The following GOLGA6L7 variants were observed in gnomAD, a reference collection of about 807,000 sequenced individuals.
GOLGA6L7 encodes the protein golgin A6 family like 7.
A neutral mutation model predicts 68.9 loss-of-function variants in GOLGA6L7; 29 were observed. That is an observed-to-expected ratio of 0.42 (90% CI 0.31 to 0.57). The LOEUF is 0.57. Among genes scored for constraint, GOLGA6L7 ranks in the 20% least tolerant of loss-of-function variants. The pLI, the probability that GOLGA6L7 is intolerant of heterozygous loss-of-function variation, is 0.13. For missense variants in GOLGA6L7, 396 were observed against 588.4 expected (o/e 0.67, Z 3.38); for synonymous variants, 133 against 197.4 (o/e 0.67, Z 2.73).
chr15:28,845,377 A>G (rs1244916991), intron 6 of GOLGA6L7, 152 bp downstream of exon 6: 3 of 695,276 alleles, frequency 4.3e-6, no homozygotes. Context: ...CTCAGCCCCA[A>G]CCTGCCTCTA....
At position 28,843,285 on chromosome 15, in the gene GOLGA6L7, C is replaced by CTCCCGCAGCTCCTTCTCCTGG; in HGVS notation, c.798_818dup (p.Asp266_Arg272dup). On this transcript the variant is annotated inframe_insertion, in exon 9 of 9. Coordinates refer to ENST00000567390, the MANE Select transcript of GOLGA6L7 (RefSeq NM_001365371.2). The stretch of plus-strand genomic sequence containing the variant: ...CCTGCTCCTGCATCTGCTGCTCCTG[C>CTCCCGCAGCTCCTTCTCCTGG]TCCCGCAGCTCCTTCTCCTGGTCCC... The CTCCCGCAGCTCCTTCTCCTGG allele has an allele frequency of 1.6e-6, 2 of 1,254,392 alleles. No homozygotes were observed. Among genetic ancestry groups the CTCCCGCAGCTCCTTCTCCTGG allele is most frequent in the South Asian group, 3.0e-5 (1 of 33,780 alleles). 77.7% of individuals were successfully genotyped at this position (1,254,392 alleles called of 1,614,324 possible).
intron 8 of GOLGA6L7, 21 bp downstream of exon 8, chr15:28,843,713 C>G (rs1208334477): frequency 1.5e-6 from 1 of 647,286 alleles, no homozygotes; most frequent in Admixed American, 2.4e-5. Context: ...CTCCCACACC[C>G]CCGGGGCTGC....
intron 2 of GOLGA6L7, among the ~76,000 whole-genome samples, chr15:28,846,502 G>A (rs1161339811): frequency 9.9e-5 from 15 of 152,266 alleles, no homozygotes; most frequent in East Asian, 9.7e-4. Flanking sequence ...TAAACCTTCC[G>A]ACATAAGAGT....
At chr15:28,848,307 C>T (rs1050715505) in intron 1 of GOLGA6L7, among the ~76,000 whole-genome samples, 192 bp downstream of exon 1, 13 of 151,710 alleles carry the variant, frequency 8.6e-5, no homozygotes, top group South Asian at 6.3e-4. Context: ...CTGGGGTGAC[C>T]GGTGAGGGCA....
At chr15:28,846,928 T>TTG in intron 2 of GOLGA6L7, 136 bp downstream of exon 2, 1 of 507,658 alleles carries the variant, frequency 2.0e-6, no homozygotes, top group African/African-American at 3.0e-5. Context: ...TCCCTCGCAG[T>TTG]TGGAGAGAGA....
chr15:28,845,028 C>T (rs1353619877), intron 6 of GOLGA6L7: 20 of 260,114 alleles, frequency 7.7e-5, no homozygotes, highest in Non-Finnish European at 7.5e-6. Context: ...TCAGAAGGTA[C>T]AGAAGGGAAA....
rs548915432 is a variant in GOLGA6L7 at position 28,847,047 on chromosome 15, G to C, written c.180+17C>G. The C allele has an allele frequency of 3.1e-3, 3,141 of 1,018,904 alleles. 45 individuals carry two copies. The highest frequency in any genetic ancestry group is 7.1e-3 in the Admixed American group (402 of 56,462). The allele number at this position is 1,018,904 out of a possible 1,614,324, so 63.1% of individuals were successfully genotyped here. On this transcript the variant is annotated intron_variant, in intron 2 of 8. Coordinates refer to ENST00000567390, the MANE Select transcript of GOLGA6L7 (RefSeq NM_001365371.2). ...TTGTGCCCCTTGTCCTCAGGAGACC[G>C]GCCAGCCAAGACTCACATCCTCAGG...
rs1272641213 is a variant in GOLGA6L7, at chr15:28,843,797, C to G, written c.600G>C (p.Glu200Asp). Residue 200 changes from glutamate (E) to aspartate (D), a missense_variant, in exon 8 of 9, where the codon GAG (glutamate) becomes GAC (aspartate). Glu to Asp is a conservative substitution (Grantham distance 45). Coordinates refer to ENST00000567390, the MANE Select transcript of GOLGA6L7 (RefSeq NM_001365371.2). ...KLRLVETEKS[E>D]IQLHIKELKR... ...TTAGCTCCTTGATGTGGAGCTGGAT[C>G]TCAGACTTTTCAGTTTCTACCAGTC... 3.6e-5 allele frequency: 26 copies of G among 718,326 alleles called. No homozygotes were observed. Among genetic ancestry groups the G allele is most frequent in the Non-Finnish European group, 4.6e-5 (19 of 412,930 alleles). 44.5% of individuals were successfully genotyped at this position (718,326 alleles called of 1,614,324 possible).
intron 8 of GOLGA6L7, 144 bp downstream of exon 8, chr15:28,843,590 C>A (rs1266378597): frequency 3.8e-5 from 18 of 476,260 alleles, no homozygotes; most frequent in Non-Finnish European, 6.5e-5. Context: ...ATTTTTAGCA[C>A]ACTCTAGAGG....
chr15:28,848,217 G>T (rs1455139899), intron 1 of GOLGA6L7, among the ~76,000 whole-genome samples: 1 of 152,092 alleles, frequency 6.6e-6, no homozygotes, highest in African/African-American at 2.4e-5. Flanking sequence ...AAGGGCCCAG[G>T]GAGATCCATT....
At chr15:28,847,250 A>C in intron 1 of GOLGA6L7, 58 bp from the exon 2 acceptor site, 1 of 995,526 alleles carries the variant, frequency 1.0e-6, no homozygotes, top group Non-Finnish European at 1.5e-6. Context: ...CAGTCACTTT[A>C]CAGTTTATAC....
At chr15:28,847,590 C>A (rs1330795090) in intron 1 of GOLGA6L7, among the ~76,000 whole-genome samples, 1 of 152,228 alleles carries the variant, frequency 6.6e-6, no homozygotes, top group Non-Finnish European at 1.5e-5. Context: ...AGAAAGAGGA[C>A]AACCCAAGCT....
At chr15:28,843,961 C>T in intron 7 of GOLGA6L7, 86 bp from the exon 8 acceptor site, 2 of 658,366 alleles carry the variant, frequency 3.0e-6, no homozygotes, top group Admixed American at 2.9e-5. Flanking sequence ...CGCCCCACAA[C>T]CACAGAACCG....
intron 2 of GOLGA6L7, among the ~76,000 whole-genome samples, 186 bp from the exon 3 acceptor site, chr15:28,846,435 GC>G (rs1270511386): frequency 3.3e-5 from 5 of 152,148 alleles, no homozygotes; most frequent in Non-Finnish European, 7.4e-5. Flanking sequence ...GTTGGCTTTT[GC>G]CCACAGCCAC....
chr15:28,848,460 T>TGGGTTG, intron 1 of GOLGA6L7, 39 bp downstream of exon 1: 2 of 571,624 alleles, frequency 3.5e-6, no homozygotes, highest in Non-Finnish European at 6.6e-6. Flanking sequence ...GACCTGGGGC[T>TGGGTTG]GGGTTGGGGT....
chr15:28,845,971 A>G (rs918155853), intron 3 of GOLGA6L7, 21 bp from the exon 4 acceptor site: 25 of 1,136,734 alleles, frequency 2.2e-5, no homozygotes, highest in Non-Finnish European at 2.9e-5. Flanking sequence ...GAAGAGGAAG[A>G]CAGAGCTCTT....
rs769424258 is a variant in GOLGA6L7, at chr15:28,848,541, G to A, written c.9C>T (p.Ser3=). Residue 3 remains serine, a synonymous_variant, in exon 1 of 9, where the codon TCC becomes TCT. Coordinates refer to ENST00000567390, the MANE Select transcript of GOLGA6L7 (RefSeq NM_001365371.2). ...CCAATTTTCTTTGTTGGGTTTTTTC[G>A]GACATCATGGGGTGGGGAGGGTGGT... is the stretch of plus-strand genomic sequence containing the variant. MM[S]EKTQQRKLAG... 1.7e-4 allele frequency: 120 copies of A among 706,848 alleles called. 2 individuals are homozygous for A. The highest frequency in any genetic ancestry group is 1.4e-3 in the East Asian group (51 of 37,776). 43.8% of individuals were successfully genotyped at this position (706,848 alleles called of 1,614,324 possible).
chr15:28,843,913 A>G lies in GOLGA6L7; in HGVS notation c.522-38T>C, dbSNP rs1369354877. ...GCAGTAGAGAAAGGAATGAACGAAG[A>G]ACAGAAAGGACCGCTTTGGTGATCG... On this transcript the variant is annotated intron_variant, in intron 7 of 8. Coordinates refer to ENST00000567390, the MANE Select transcript of GOLGA6L7 (RefSeq NM_001365371.2). 17 of 951,758 alleles carry G rather than the reference A, an allele frequency of 1.8e-5. No individual in the cohort carries two copies. In the Admixed American group the frequency reaches 3.8e-4, roughly 21 times the overall value. 59.0% of individuals were successfully genotyped at this position (951,758 alleles called of 1,614,324 possible). A position where few individuals can be genotyped will look rare whatever the true frequency, so the allele number is the denominator to read the frequency against.
chr15:28,842,394 C>T lies in GOLGA6L7; in HGVS notation c.1710G>A (p.Glu570=), dbSNP rs2030220166. 4.1e-6 allele frequency: 5 copies of T among 1,219,668 alleles called. No homozygotes were observed. The African/African-American group carries it at 4.7e-5, about 11-fold the overall frequency. The allele number at this position is 1,219,668 out of a possible 1,614,324, so 75.6% of individuals were successfully genotyped here. A position where few individuals can be genotyped will look rare whatever the true frequency, so the allele number is the denominator to read the frequency against. ...TGTCATGGGAATAACCCTTCCCGGC[C>T]TCTCGTGCAGGCTCCAGGCTGCCAG... ...SHPGSLEPAR[E]AGKGYSHDNR... Residue 570 remains glutamate, a synonymous_variant, in exon 9 of 9, where the codon GAG becomes GAA. Transcript: ENST00000567390.
Sources: gnomAD v4.1 joint callset for allele counts (sites outside exome capture counted in the v4.1 genomes callset) on GRCh38, gnomAD v4.1.1 for gene constraint, MANE v1.5 for transcripts, NCBI Gene and HGNC (gene_info 2026-07-23, HGNC 2026-07-21) for gene names.